The following TTF2 variants were observed in gnomAD, a reference collection of about 807,000 sequenced individuals.
TTF2 encodes the protein RNA polymerase II termination factor.
In TTF2, 108 loss-of-function variants were observed where a neutral mutation model predicts 142.4. The ratio of observed to expected loss-of-function variants is 0.76; its 90% confidence interval spans 0.65 to 0.89. The LOEUF is 0.89. Among genes scored for constraint, TTF2 ranks in the 40% least tolerant of loss-of-function variants. The pLI is 0.00. For missense variants in TTF2, 1,327 were observed against 1,379.8 expected (o/e 0.96, Z 0.61); for synonymous variants, 483 against 506.2 (o/e 0.95, Z 0.61).
Position 117,079,404 on chromosome 1 carries a change from TTGAGAGAGGGTGC to T in TTF2, c.1702-161_1702-149del, listed in dbSNP as rs1430807353. Among the ~76,000 whole-genome samples the T allele has an allele frequency of 6.6e-6, 1 of 152,130 alleles. No individual in the cohort carries two copies. The highest frequency in any genetic ancestry group is 6.5e-5 in the Admixed American group (1 of 15,274). ...GCAGACCAGGACAGTATGGTTACCCTTGAGAGAGGGTGCTGTTAAGGACTTCAAGGTGAAATGA... is the reference window on the plus strand; with the variant it reads ...GCAGACCAGGACAGTATGGTTACCCTTGTTAAGGACTTCAAGGTGAAATGA... On this transcript the variant is annotated intron_variant, in intron 8 of 22. Transcript: ENST00000369466. The surrounding 1 kb of genome is among the most constrained non-coding windows in gnomAD (Gnocchi z 4.2).
In TTF2 at chr1:117,090,025, A is replaced by G. The variant is rs1441524362; in HGVS notation, c.2343-30A>G. 25 of 1,606,028 alleles carry G rather than the reference A, an allele frequency of 1.6e-5. No individual in the cohort carries two copies. The highest frequency in any genetic ancestry group is 2.0e-5 in the Non-Finnish European group (24 of 1,176,048). ...CATTCTCCCTGACTTTTCCTTCCCT[A>G]CTCTGTGCCCTTCTTCCTCAACAAA... On this transcript the variant is annotated intron_variant, in intron 13 of 22. Coordinates refer to ENST00000369466, the MANE Select transcript of TTF2 (RefSeq NM_003594.4). This position sits in a 1 kb window ranked among gnomAD's most constrained non-coding sequence, Gnocchi z 4.8.
chr1:117,077,072 C>T (rs1309532666), intron 7 of TTF2, among the ~76,000 whole-genome samples: 1 of 151,768 alleles, frequency 6.6e-6, no homozygotes. Context: ...CTTTCTGTCC[C>T]TAATGTATTA....
In TTF2 at chr1:117,093,277, T is replaced by A. The variant is rs1347087902; in HGVS notation, c.2976+376T>A. ...AGGCTTGACTCTAGAGACTGTGTCA[T>A]ACATGCGAGCGCCAATTGCTCTGAC... is the stretch of plus-strand genomic sequence containing the variant. On this transcript the variant is annotated intron_variant, in intron 18 of 22. Transcript: ENST00000369466. The surrounding 1 kb of genome is among the most constrained non-coding windows in gnomAD (Gnocchi z 4.5). Among the ~76,000 whole-genome samples, 2 of 152,224 alleles carry A rather than the reference T, an allele frequency of 1.3e-5. No homozygotes were observed. The highest frequency in any genetic ancestry group is 2.4e-5 in the African/African-American group (1 of 41,452).
At position 117,077,924 on chromosome 1, in the gene TTF2, A is replaced by T. The variant is rs1657145674; in HGVS notation, c.1582A>T (p.Asn528Tyr). Reference protein sequence around the residue: ...GSSQCYRGHTNQDHVHAVWKI... With the variant: ...GSSQCYRGHTYQDHVHAVWKI... ...CACCTATTTGTATGCAGGCCATACA[A>T]ACCAAGATCACGTTCATGCAGTGTG... The change falls in exon 8 of 23, where the codon AAC becomes TAC. Residue 528 changes from asparagine to tyrosine, a missense_variant. Transcript: ENST00000369466. 1 of 1,614,146 alleles carries T rather than the reference A, an allele frequency of 6.2e-7. No individual in the cohort carries two copies. Among genetic ancestry groups the T allele is most frequent in the Non-Finnish European group, 8.5e-7 (1 of 1,179,994 alleles).
At chr1:117,081,249 A>G (rs1647484409) in intron 9 of TTF2, among the ~76,000 whole-genome samples, 1 of 152,240 alleles carries the variant, frequency 6.6e-6, no homozygotes. Flanking sequence ...GATTATTTTG[A>G]ATGGGTTATA....
chr1:117,097,185 T>C lies in TTF2; in HGVS notation c.3187-166T>C, dbSNP rs946155973. On this transcript the variant is annotated intron_variant, in intron 20 of 22. Transcript: ENST00000369466. This position sits in a 1 kb window ranked among gnomAD's most constrained non-coding sequence, Gnocchi z 4.1. ...TGAGAATTTTCTCAAAAGTGAGACATGGGAGATAGCATTATAATGTTAAAA... is the reference window on the plus strand; with the variant it reads ...TGAGAATTTTCTCAAAAGTGAGACACGGGAGATAGCATTATAATGTTAAAA... Among the ~76,000 whole-genome samples the C allele has an allele frequency of 1.3e-5, 2 of 151,256 alleles. No individual in the cohort carries two copies. The highest frequency in any genetic ancestry group is 4.9e-5 in the African/African-American group (2 of 40,942).
At position 117,076,273 on chromosome 1, in the gene TTF2, C is replaced by G. The variant is rs1657001304; in HGVS notation, c.1369C>G (p.Leu457Val). The change falls in exon 6 of 23, where the codon CTT becomes GTT. Residue 457 changes from leucine to valine, a missense_variant. Physicochemically the swap from Leu to Val is conservative, Grantham distance 32 (BLOSUM62 1). Transcript: ENST00000369466. The surrounding 1 kb of genome is among the most constrained non-coding windows in gnomAD (Gnocchi z 4.6). ...GGAGCTGGAGGAAGTACTCAGTGGTCTTACCCTTTCCCCAGAGCAAGGTAA... is the reference window on the plus strand; with the variant it reads ...GGAGCTGGAGGAAGTACTCAGTGGTGTTACCCTTTCCCCAGAGCAAGGTAA... The part of the protein sequence containing the change: ...IQELEEVLSG[L>V]TLSPEQGTNE... The G allele has an allele frequency of 1.2e-6, 2 of 1,613,926 alleles. No individual in the cohort carries two copies.
chr1:117,103,028 T>C lies in TTF2; in HGVS notation c.*1504T>C, dbSNP rs1479188454. ...ACTTCTAGGTGGCCCTCTACCACTT[T>C]CCAAAAGATCATTCATGCTGTTTCT... is the stretch of plus-strand genomic sequence containing the variant. On this transcript the variant is annotated 3_prime_UTR_variant, in exon 23 of 23. Transcript: ENST00000369466. 1.3e-5 allele frequency: 2 copies of C among 152,162 alleles called. No homozygotes were observed. The highest frequency in any genetic ancestry group is 2.9e-5 in the Non-Finnish European group (2 of 68,054). 9.4% of individuals were successfully genotyped at this position (152,162 alleles called of 1,614,324 possible). A position where few individuals can be genotyped will look rare whatever the true frequency, so the allele number is the denominator to read the frequency against.
chr1:117,064,878 C>T (rs1655966591), intron 3 of TTF2, among the ~76,000 whole-genome samples: 1 of 143,452 alleles, frequency 7.0e-6, no homozygotes, highest in South Asian at 2.2e-4. Flanking sequence ...GGTCTATTAT[C>T]TATATCTTAA....
rs1648680434 is a variant in TTF2, at chr1:117,092,508, T to C, written c.2806-223T>C. On this transcript the variant is annotated intron_variant, in intron 17 of 22. Coordinates refer to ENST00000369466, the MANE Select transcript of TTF2 (RefSeq NM_003594.4). The surrounding 1 kb of genome is among the most constrained non-coding windows in gnomAD (Gnocchi z 4.4). ...TGGAAAAAATAGAATGATTATGTCA[T>C]CTGCCTGGCAAGTCTTTAAAAAGTT... 6.6e-6 allele frequency among the ~76,000 whole-genome samples: 1 copy of C among 152,242 alleles called. No homozygotes were observed. Among genetic ancestry groups the C allele is most frequent in the Non-Finnish European group, 1.5e-5 (1 of 68,038 alleles).
chr1:117,097,208 A>T lies in TTF2; in HGVS notation c.3187-143A>T, dbSNP rs938877175. On this transcript the variant is annotated intron_variant, in intron 20 of 22. Coordinates refer to ENST00000369466, the MANE Select transcript of TTF2 (RefSeq NM_003594.4). This position sits in a 1 kb window ranked among gnomAD's most constrained non-coding sequence, Gnocchi z 4.1. ...CATGGGAGATAGCATTATAATGTTA[A>T]AAAAAAAAACAATTTATAACAGCAG... The T allele has an allele frequency of 8.2e-6, 5 of 613,162 alleles. No individual in the cohort carries two copies. Among genetic ancestry groups the T allele is most frequent in the Non-Finnish European group, 1.3e-5 (5 of 371,174 alleles). 38.0% of individuals were successfully genotyped at this position (613,162 alleles called of 1,614,324 possible).
At position 117,104,776 on chromosome 1, in the gene TTF2, T is replaced by TC. The variant is rs1407518567; in HGVS notation, c.*3255dup. 6.6e-6 allele frequency: 1 copy of TC among 152,282 alleles called. No individual in the cohort carries two copies. Among genetic ancestry groups the TC allele is most frequent in the Non-Finnish European group, 1.5e-5 (1 of 68,076 alleles). The allele number at this position is 152,282 out of a possible 1,614,324, so 9.4% of individuals were successfully genotyped here. ...GGAGCTGCATATGTGTCTCCCCTCT[T>TC]CCCTCCCTGGGGGTTAGGCTGGGTT... is the stretch of plus-strand genomic sequence containing the variant. On this transcript the variant is annotated 3_prime_UTR_variant, in exon 23 of 23. Coordinates refer to ENST00000369466, the MANE Select transcript of TTF2 (RefSeq NM_003594.4).
At position 117,097,206 on chromosome 1, in the gene TTF2, T is replaced by TAA; in HGVS notation, c.3187-135_3187-134dup. On this transcript the variant is annotated intron_variant, in intron 20 of 22. Transcript: ENST00000369466. The surrounding 1 kb of genome is among the most constrained non-coding windows in gnomAD (Gnocchi z 4.1). ...GACATGGGAGATAGCATTATAATGT[T>TAA]AAAAAAAAAAACAATTTATAACAGC... 1.4e-4 allele frequency: 82 copies of TAA among 592,808 alleles called. No individual in the cohort carries two copies. The highest frequency in any genetic ancestry group is 3.6e-4 in the East Asian group (11 of 30,344). 36.7% of individuals were successfully genotyped at this position (592,808 alleles called of 1,614,324 possible). A position where few individuals can be genotyped will look rare whatever the true frequency, so the allele number is the denominator to read the frequency against.
chr1:117,091,682 A>G (rs1648587941), intron 16 of TTF2, 135 bp from the exon 17 acceptor site: 3 of 1,200,022 alleles, frequency 2.5e-6, no homozygotes, highest in South Asian at 1.6e-5. Context: ...GAAGTGGCCT[A>G]TAGAAGTGAG....
intron 21 of TTF2, chr1:117,098,585 G>A (rs915354762): frequency 8.2e-6 from 3 of 364,074 alleles, no homozygotes; most frequent in Admixed American, 8.6e-5. Flanking sequence ...CTTGTCTTAG[G>A]CCAGTATAGC....
chr1:117,062,265 AC>A, intron 2 of TTF2, 121 bp from the exon 3 acceptor site: 1 of 826,216 alleles, frequency 1.2e-6, no homozygotes, highest in Non-Finnish European at 1.9e-6. Context: ...TGTGGGAATT[AC>A]AAACCCAGTA....
chr1:117,071,350 A>G (rs1656560070), intron 3 of TTF2, among the ~76,000 whole-genome samples: 1 of 152,212 alleles, frequency 6.6e-6, no homozygotes, highest in Admixed American at 6.5e-5. Flanking sequence ...GATCTTCCTT[A>G]CATATATGTT....
rs765479616 is a variant in TTF2 at position 117,076,333 on chromosome 1, G to A, written c.1390+39G>A. The A allele has an allele frequency of 2.5e-5, 37 of 1,507,630 alleles. No individual in the cohort carries two copies. Among genetic ancestry groups the A allele is most frequent in the Middle Eastern group, 1.7e-4 (1 of 5,830 alleles). 93.4% of individuals were successfully genotyped at this position (1,507,630 alleles called of 1,614,324 possible). On this transcript the variant is annotated intron_variant, in intron 6 of 22. Coordinates refer to ENST00000369466, the MANE Select transcript of TTF2 (RefSeq NM_003594.4). This position sits in a 1 kb window ranked among gnomAD's most constrained non-coding sequence, Gnocchi z 4.6. ...TGCCTCAGAACTCCGGGTTTGCATC[G>A]ACTTTACAAGAGACATTCGGGAAGC... is the stretch of plus-strand genomic sequence containing the variant.
Position 117,097,795 on chromosome 1 carries a change from A to G in TTF2, c.3269+362A>G. Reference sequence around the variant, plus strand: ...TTCCAGACACACTTGTTGGGGTCCAAGGAAATTTCAACCTTTGAAAAGAGG... The same window carrying G: ...TTCCAGACACACTTGTTGGGGTCCAGGGAAATTTCAACCTTTGAAAAGAGG... On this transcript the variant is annotated intron_variant, in intron 21 of 22. Transcript: ENST00000369466. This position sits in a 1 kb window ranked among gnomAD's most constrained non-coding sequence, Gnocchi z 4.1. Among the ~76,000 whole-genome samples, 1 of 152,234 alleles carries G rather than the reference A, an allele frequency of 6.6e-6. No individual in the cohort carries two copies. The highest frequency in any genetic ancestry group is 1.9e-4 in the East Asian group (1 of 5,202).
Sources: allele counts gnomAD v4.1 joint callset (sites outside exome capture counted in the v4.1 genomes callset), GRCh38; gene constraint gnomAD v4.1.1; non-coding constraint Gnocchi (gnomAD v3.1); transcripts MANE v1.5; gene names NCBI Gene and HGNC (gene_info 2026-07-23, HGNC 2026-07-21).